The following RGS22 variants were observed in gnomAD, a reference collection of about 807,000 sequenced individuals.
RGS22 encodes the protein regulator of G-protein signaling 22.
A neutral mutation model predicts 172.9 loss-of-function variants in RGS22; 148 were observed. The ratio of observed to expected loss-of-function variants is 0.86; its 90% CI spans 0.75 to 0.98. The LOEUF (loss-of-function observed/expected upper bound fraction) is 0.98, where lower values mean the gene tolerates loss of function less well. Ranked by LOEUF, RGS22 falls within the 50% of genes least tolerant of loss-of-function variation. RGS22 has a pLI of 0.00. For missense variants in RGS22, 1,347 were observed against 1,440.8 expected, an observed-to-expected ratio of 0.93 and a Z score of 1.05; for synonymous variants, 458 against 480.2, an observed-to-expected ratio of 0.95 and a Z score of 0.60.
At chr8:100,052,079 T>A (rs376351433) in intron 10 of RGS22, among the ~76,000 whole-genome samples, 40 of 95,946 alleles carry the variant, frequency 4.2e-4, no homozygotes, top group Non-Finnish European at 6.3e-4. Flanking sequence ...ATATAAATGT[T>A]TATATATATT....
chr8:100,055,882 C>A (rs1822192021), intron 9 of RGS22, among the ~76,000 whole-genome samples: 1 of 152,062 alleles, frequency 6.6e-6, no homozygotes, highest in Admixed American at 6.6e-5. Flanking sequence ...TAAGAATGAA[C>A]TAATACAGTA....
intron 14 of RGS22, among the ~76,000 whole-genome samples, chr8:100,016,769 T>G (rs1817010535): frequency 6.6e-6 from 1 of 151,850 alleles, no homozygotes; most frequent in South Asian, 2.1e-4. Context: ...AGAGCAAGAC[T>G]CCGTCTCAAA....
At chr8:100,079,685 G>T (rs1431174135) in intron 4 of RGS22, among the ~76,000 whole-genome samples, 1 of 152,144 alleles carries the variant, frequency 6.6e-6, no homozygotes, top group Admixed American at 6.6e-5. Flanking sequence ...CCAACCTCAT[G>T]CTAAGGAGAC....
In RGS22 at chr8:100,105,945, G is replaced by A. The variant is rs758832843; in HGVS notation, c.-24C>T. The A allele has an allele frequency of 6.8e-7, 1 of 1,460,074 alleles. No individual in the cohort carries two copies. The highest frequency in any genetic ancestry group is 1.3e-5 in the South Asian group (1 of 74,820). The allele number at this position is 1,460,074 out of a possible 1,614,324, so 90.4% of individuals were successfully genotyped here. A position where few individuals can be genotyped will look rare whatever the true frequency, so the allele number is the denominator to read the frequency against. ...ATGCCGTCCCCGCTGCCCGCGCCTG[G>A]AGCCCGCGCGGGCCGTCAGGGCCCT... On this transcript the variant is annotated 5_prime_UTR_variant, in exon 1 of 28. Transcript: ENST00000360863.
At chr8:99,966,667 C>T (rs1810764823) in intron 23 of RGS22, among the ~76,000 whole-genome samples, 1 of 152,130 alleles carries the variant, frequency 6.6e-6, no homozygotes, top group Non-Finnish European at 1.5e-5. Flanking sequence ...AATATCCCTA[C>T]TAATTAAAGC....
intron 10 of RGS22, 50 bp downstream of exon 10, chr8:100,052,752 A>G: frequency 6.6e-7 from 1 of 1,512,896 alleles, no homozygotes; most frequent in South Asian, 1.2e-5. Context: ...TCAAGCATAC[A>G]TATTTTACTA....
At chr8:100,001,579 A>G (rs1815094996) in intron 18 of RGS22, among the ~76,000 whole-genome samples, 1 of 152,298 alleles carries the variant, frequency 6.6e-6, no homozygotes, top group Admixed American at 6.5e-5. Flanking sequence ...GTAGTTATTT[A>G]GTTATTAATA....
chr8:99,982,600 TCCACCTAC>T (rs1023742704), intron 21 of RGS22, among the ~76,000 whole-genome samples: 3 of 152,154 alleles, frequency 2.0e-5, no homozygotes, highest in Non-Finnish European at 2.9e-5. Context: ...GGCACCTAAC[TCCACCTAC>T]AGGTGGATAT....
In RGS22 at chr8:100,071,407, G is replaced by T. The variant is rs866906202; in HGVS notation, c.556C>A (p.Leu186Ile). The T allele has an allele frequency of 1.2e-6, 2 of 1,612,040 alleles. No individual in the cohort carries two copies. Among genetic ancestry groups the T allele is most frequent in the East Asian group, 4.5e-5 (2 of 44,772 alleles). Reference sequence around the variant, plus strand: ...ACATAGAACTTTTTCATAATTACAAGATTATCTTCTTCAGTGGCAGGAGGT... The same window carrying T: ...ACATAGAACTTTTTCATAATTACAATATTATCTTCTTCAGTGGCAGGAGGT... ...LPPPATEEDNLVIMKKFYVSL... is the reference protein window; with the variant it reads ...LPPPATEEDNIVIMKKFYVSL... Residue 186 changes from leucine (L) to isoleucine (I), a missense_variant, in exon 6 of 28, where the codon CTT (leucine) becomes ATT (isoleucine). Leu to Ile is a conservative substitution (Grantham distance 5). Coordinates refer to ENST00000360863, the MANE Select transcript of RGS22 (RefSeq NM_015668.5).
intron 3 of RGS22, among the ~76,000 whole-genome samples, chr8:100,092,578 C>T (rs1323684978): frequency 2.0e-5 from 3 of 152,092 alleles, no homozygotes; most frequent in Non-Finnish European, 4.4e-5. Context: ...GCCCCTCTTT[C>T]TCCCTCATTC....
intron 24 of RGS22, 116 bp from the exon 25 acceptor site, chr8:99,963,094 A>T: frequency 1.2e-6 from 1 of 802,922 alleles, no homozygotes; most frequent in Non-Finnish European, 1.8e-6. Flanking sequence ...TATAACACAC[A>T]TAAAGAAAAG....
intron 14 of RGS22, among the ~76,000 whole-genome samples, chr8:100,034,473 A>T (rs998075728): frequency 5.3e-5 from 8 of 152,222 alleles, no homozygotes; most frequent in African/African-American, 1.9e-4. Flanking sequence ...AGAGGACACA[A>T]ACAAATGGAA....
chr8:100,092,878 G>A (rs1326766581), intron 3 of RGS22, among the ~76,000 whole-genome samples: 2 of 152,148 alleles, frequency 1.3e-5, no homozygotes, highest in African/African-American at 2.4e-5. Context: ...ATTTACTACT[G>A]ATATAAAACT....
At chr8:100,015,520 T>C (rs1378298866) in intron 14 of RGS22, among the ~76,000 whole-genome samples, 1 of 152,168 alleles carries the variant, frequency 6.6e-6, no homozygotes. Context: ...CTTGAGCTCC[T>C]GATCTCAAGT....
intron 2 of RGS22, among the ~76,000 whole-genome samples, chr8:100,096,966 A>G (rs1813026242): frequency 6.6e-6 from 1 of 152,250 alleles, no homozygotes; most frequent in Non-Finnish European, 1.5e-5. Flanking sequence ...AAGGAAGGAA[A>G]GACGTTATCT....
chr8:100,105,936 C>T lies in RGS22; in HGVS notation c.-15G>A, dbSNP rs1169517265. ...TTCTCGGGCATGCCGTCCCCGCTGC[C>T]CGCGCCTGGAGCCCGCGCGGGCCGT... is the stretch of plus-strand genomic sequence containing the variant. On this transcript the variant is annotated 5_prime_UTR_variant, in exon 1 of 28. Transcript: ENST00000360863. 6.8e-7 allele frequency: 1 copy of T among 1,480,254 alleles called. No individual in the cohort carries two copies. The highest frequency in any genetic ancestry group is 8.9e-7 in the Non-Finnish European group (1 of 1,118,442). 91.7% of individuals were successfully genotyped at this position (1,480,254 alleles called of 1,614,324 possible). A position where few individuals can be genotyped will look rare whatever the true frequency, so the allele number is the denominator to read the frequency against.
intron 1 of RGS22, 24 bp from the exon 2 acceptor site, chr8:100,105,426 T>C: frequency 6.3e-7 from 1 of 1,586,480 alleles, no homozygotes; most frequent in African/African-American, 1.3e-5. Context: ...AAATATTACA[T>C]TATCTCCCTC....
intron 3 of RGS22, among the ~76,000 whole-genome samples, chr8:100,087,839 C>G (rs537784771): frequency 5.9e-5 from 9 of 152,130 alleles, no homozygotes; most frequent in African/African-American, 2.2e-4. Flanking sequence ...GATATATTCA[C>G]CAATGGGATG....
intron 23 of RGS22, among the ~76,000 whole-genome samples, chr8:99,969,210 C>G (rs1191162529): frequency 6.6e-6 from 1 of 152,182 alleles, no homozygotes; most frequent in African/African-American, 2.4e-5. Context: ...GTGTCACCAC[C>G]AGGCTTGCCT....
Sources: allele counts gnomAD v4.1 joint callset (sites outside exome capture counted in the v4.1 genomes callset), GRCh38; gene constraint gnomAD v4.1.1; transcripts MANE v1.5; gene names NCBI Gene and HGNC (gene_info 2026-07-23, HGNC 2026-07-21).